Variants in NUP35 observed in about 807,000 individuals in gnomAD.
The protein encoded by NUP35 is nucleoporin 35.
In NUP35, 25 loss-of-function variants were observed where a neutral mutation model predicts 41.5. The ratio of observed to expected loss-of-function variants is 0.60; its 90% CI spans 0.44 to 0.84. The LOEUF (loss-of-function observed/expected upper bound fraction) is 0.84. Among genes scored for constraint, NUP35 ranks in the 40% least tolerant of loss-of-function variants. The pLI is 0.00. For synonymous variants in NUP35, 149 were observed against 130.7 expected (o/e 1.14, Z -0.96); for missense variants, 396 against 396.6 (o/e 1.00, Z 0.01).
chr2:183,132,573 A>T (rs560245365), intron 3 of NUP35, among the ~76,000 whole-genome samples: 3 of 152,202 alleles, frequency 2.0e-5, no homozygotes, highest in Non-Finnish European at 4.4e-5. Flanking sequence ...AAAATAATAA[A>T]AACTAAAAAA....
rs138621569 is a variant in NUP35, at chr2:183,127,798, G to T, written c.41-489G>T. ...ACAGATAAATATTGTGCTGCCAGGTGTACTGGCTTCACACCTTTAATCTCA... is the reference window on the plus strand; with the variant it reads ...ACAGATAAATATTGTGCTGCCAGGTTTACTGGCTTCACACCTTTAATCTCA... On this transcript the variant is annotated intron_variant, in intron 1 of 8. Coordinates refer to ENST00000295119, the MANE Select transcript of NUP35 (RefSeq NM_138285.5). Among the ~76,000 whole-genome samples, 134 of 152,330 alleles carry T rather than the reference G, an allele frequency of 8.8e-4. 1 individual carries two copies. Among genetic ancestry groups the T allele is most frequent in the Middle Eastern group, 3.4e-3 (1 of 294 alleles).
At chr2:183,147,717 A>G (rs1260419372) in intron 4 of NUP35, among the ~76,000 whole-genome samples, 2 of 152,138 alleles carry the variant, frequency 1.3e-5, no homozygotes, top group Non-Finnish European at 2.9e-5. Flanking sequence ...TCTGTGAAAA[A>G]TGATGTTGGT....
chr2:183,128,434 A>G lies in NUP35; in HGVS notation c.188A>G (p.Glu63Gly), dbSNP rs950770790. 1.7e-5 allele frequency: 28 copies of G among 1,613,124 alleles called. No homozygotes were observed. The highest frequency in any genetic ancestry group is 2.3e-5 in the Non-Finnish European group (27 of 1,179,478). ...AGTGGCCCTTCAGTAGGAGTAATGG[A>G]AATGAGATCACCTTTACTTGCAGGT... The part of the protein sequence containing the change: ...SISGPSVGVM[E>G]MRSPLLAGGS... Residue 63 changes from glutamate (E) to glycine (G), a missense_variant, in exon 2 of 9, where the codon GAA becomes GGA. Physicochemically the swap from Glu to Gly is moderately conservative, Grantham distance 98. Transcript: ENST00000295119.
chr2:183,152,156 A>ACACACACACACACACACACACACAG (rs56941373), intron 5 of NUP35, among the ~76,000 whole-genome samples: 2 of 139,658 alleles, frequency 1.4e-5, no homozygotes, highest in East Asian at 2.1e-4. Context: ...CACACACACA[A>ACACACACACACACACACACACACAG]TGTCACAGGG....
At chr2:183,139,065 G>T (rs896840645) in intron 4 of NUP35, among the ~76,000 whole-genome samples, 1 of 152,062 alleles carries the variant, frequency 6.6e-6, no homozygotes, top group Non-Finnish European at 1.5e-5. Flanking sequence ...ACCCATCTCA[G>T]AGCTGGGTAC....
intron 1 of NUP35, among the ~76,000 whole-genome samples, chr2:183,126,038 T>G (rs1386433372): frequency 6.6e-6 from 1 of 152,068 alleles, no homozygotes; most frequent in East Asian, 1.9e-4. Context: ...CTTCCCTCTC[T>G]CCCTCCCTCC....
chr2:183,126,312 C>T (rs2254866), intron 1 of NUP35, among the ~76,000 whole-genome samples: 3 of 152,014 alleles, frequency 2.0e-5, no homozygotes, highest in South Asian at 2.1e-4. Context: ...TAGAGGCTTG[C>T]GCCTTCTACT....
intron 4 of NUP35, among the ~76,000 whole-genome samples, chr2:183,138,259 A>AT (rs1684954045): frequency 6.6e-5 from 3 of 45,756 alleles, no homozygotes; most frequent in African/African-American, 3.3e-4. Context: ...ATATATATAT[A>AT]TATATATATA....
intron 4 of NUP35, among the ~76,000 whole-genome samples, chr2:183,145,435 T>C (rs1016706913): frequency 6.6e-6 from 1 of 152,226 alleles, no homozygotes; most frequent in Non-Finnish European, 1.5e-5. Flanking sequence ...TTTTGGATTT[T>C]GTATTTACAG....
intron 5 of NUP35, among the ~76,000 whole-genome samples, chr2:183,152,393 G>A (rs369913932): frequency 3.9e-4 from 60 of 152,166 alleles, no homozygotes; most frequent in African/African-American, 1.4e-3. Context: ...CTCCTGAGCA[G>A]TAGGCACTGA....
At chr2:183,158,152 CAGCT>C (rs1685738485) in intron 6 of NUP35, 127 bp from the exon 7 acceptor site, 1 of 614,882 alleles carries the variant, frequency 1.6e-6, no homozygotes, top group South Asian at 3.8e-5. Context: ...TTGAACTTTA[CAGCT>C]TTTTACAAGG....
chr2:183,149,390 A>G (rs920886598), intron 4 of NUP35, among the ~76,000 whole-genome samples: 8 of 152,158 alleles, frequency 5.3e-5, no homozygotes, highest in East Asian at 1.9e-4. Context: ...AACAGTAACT[A>G]TTTTCTAAAG....
intron 7 of NUP35, among the ~76,000 whole-genome samples, chr2:183,158,742 A>G (rs887414995): frequency 1.3e-5 from 2 of 152,180 alleles, no homozygotes; most frequent in Admixed American, 1.3e-4. Context: ...AAGCGATACC[A>G]GATTCTTTAA....
At chr2:183,126,935 A>G (rs555214143) in intron 1 of NUP35, among the ~76,000 whole-genome samples, 204 of 152,008 alleles carry the variant, frequency 1.3e-3, no homozygotes, top group African/African-American at 4.8e-3. Flanking sequence ...GCTATTATAA[A>G]ATATTTGTAG....
chr2:183,138,693 C>T (rs935638362), intron 4 of NUP35, among the ~76,000 whole-genome samples: 5 of 151,908 alleles, frequency 3.3e-5, no homozygotes, highest in Admixed American at 1.3e-4. Flanking sequence ...TTTTCTTCTT[C>T]CTTTATATTT....
At chr2:183,155,056 G>A (rs546952300) in intron 5 of NUP35, among the ~76,000 whole-genome samples, 17 of 152,278 alleles carry the variant, frequency 1.1e-4, no homozygotes, top group African/African-American at 4.1e-4. Flanking sequence ...CAGCCACCAT[G>A]ATTCAATTAC....
At chr2:183,128,488 A>T in intron 2 of NUP35, 31 bp downstream of exon 2, 1 of 1,586,446 alleles carries the variant, frequency 6.3e-7, no homozygotes, top group East Asian at 2.3e-5. Context: ...AATTTTATAG[A>T]CATGCTAGAT....
chr2:183,160,958 T>G (rs890369179), intron 8 of NUP35, 96 bp from the exon 9 acceptor site: 46 of 839,882 alleles, frequency 5.5e-5, no homozygotes, highest in Admixed American at 2.3e-5. Flanking sequence ...ATAAATGCAT[T>G]TTGGTGTTTC....
At chr2:183,122,288 G>C (rs780070349), upstream of NUP35, among the ~76,000 whole-genome samples, 38 of 152,002 alleles carry the variant, frequency 2.5e-4, no homozygotes, top group Non-Finnish European at 4.3e-4. Context: ...ATGTTGGCCA[G>C]GCTGGTCTGG....
Sources: gnomAD v4.1 joint callset for allele counts (sites outside exome capture counted in the v4.1 genomes callset) on GRCh38, gnomAD v4.1.1 for gene constraint, MANE v1.5 for transcripts, NCBI Gene and HGNC (gene_info 2026-07-23, HGNC 2026-07-21) for gene names.